The following IL1RAPL1 variants were observed in gnomAD, a reference collection of about 807,000 sequenced individuals.
The protein encoded by IL1RAPL1 is interleukin 1 receptor accessory protein like 1, also known as interleukin-1 receptor accessory protein-like 1.
IL1RAPL1 carries 3 observed loss-of-function variants against 48.4 expected under a neutral mutation model. The observed-to-expected ratio is 0.06, with a 90% CI of 0.03 to 0.16. The LOEUF (loss-of-function observed/expected upper bound fraction) is 0.16. Ranked by LOEUF, IL1RAPL1 falls within the 10% of genes least tolerant of loss-of-function variation. The pLI, the probability that IL1RAPL1 is intolerant of heterozygous loss-of-function variation, is 1.00. For missense variants in IL1RAPL1, 349 were observed against 530.6 expected (o/e 0.66, Z 3.36); for synonymous variants, 185 against 187.7 (o/e 0.99, Z 0.12).
At chrX:29,335,327 AG>A (rs1279570532) in intron 3 of IL1RAPL1, among the ~76,000 whole-genome samples, 4 of 11,905 alleles carry the variant, frequency 3.4e-4, no homozygotes, top group African/African-American at 7.6e-4. Flanking sequence ...GAGAGGGGAG[AG>A]GGGAGAGGGG....
chrX:29,449,780 C>CACACACACACAGAGAGAG (rs557765024), intron 5 of IL1RAPL1, among the ~76,000 whole-genome samples: 3,007 of 57,715 alleles, frequency 0.052, 115 homozygotes, highest in East Asian at 0.089. Context: ...CACACACACA[C>CACACACACACAGAGAGAG]AGAGAGAGAG....
intron 3 of IL1RAPL1, among the ~76,000 whole-genome samples, chrX:29,290,806 T>G (rs989923574): frequency 9.0e-6 from 1 of 111,552 alleles, no homozygotes; most frequent in African/African-American, 3.3e-5. Context: ...TGAGCCAGAC[T>G]TTTTATGTGG....
chrX:29,396,155 A>T lies in IL1RAPL1; in HGVS notation c.363-103A>T, dbSNP rs1427379890. 7 of 621,770 alleles carry T rather than the reference A, an allele frequency of 1.1e-5. No individual in the cohort carries two copies. In the African/African-American group the frequency reaches 1.6e-4, roughly 14 times the overall value. The allele number at this position is 621,770 out of a possible 1,213,427, so 51.2% of individuals were successfully genotyped here. A position where few individuals can be genotyped will look rare whatever the true frequency, so the allele number is the denominator to read the frequency against. On this transcript the variant is annotated intron_variant, in intron 3 of 10. Coordinates refer to ENST00000378993, the MANE Select transcript of IL1RAPL1 (RefSeq NM_014271.4). ...CAAGATACCATAAAATTAGTTAAAC[A>T]GTGAAGTTTTTGCTTTTCTTTTAAG...
At chrX:28,913,731 A>G (rs1291538850) in intron 2 of IL1RAPL1, among the ~76,000 whole-genome samples, 2 of 111,580 alleles carry the variant, frequency 1.8e-5, no homozygotes, top group Admixed American at 1.9e-4. Flanking sequence ...GGAATTAGAT[A>G]CAGCATCTCT....
intron 2 of IL1RAPL1, among the ~76,000 whole-genome samples, chrX:29,158,632 C>T (rs767831362): frequency 9.0e-6 from 1 of 111,208 alleles, no homozygotes; most frequent in African/African-American, 3.3e-5. Context: ...CCGACTCGGC[C>T]TCCCAAAGTG....
At chrX:29,348,989 A>G (rs1292073460) in intron 3 of IL1RAPL1, among the ~76,000 whole-genome samples, 2 of 112,245 alleles carry the variant, frequency 1.8e-5, no homozygotes, top group African/African-American at 6.5e-5. Context: ...CCTCAAAATC[A>G]CTGACATGAG....
intron 9 of IL1RAPL1, among the ~76,000 whole-genome samples, chrX:29,945,031 A>G (rs758056776): frequency 4.5e-5 from 5 of 110,724 alleles, no homozygotes; most frequent in South Asian, 3.9e-4. Flanking sequence ...GGATTTCTCT[A>G]TGAAGTTTAC....
At chrX:28,707,544 C>T (rs1003479452) in intron 1 of IL1RAPL1, among the ~76,000 whole-genome samples, 1 of 111,772 alleles carries the variant, frequency 8.9e-6, no homozygotes, top group Non-Finnish European at 1.9e-5. Flanking sequence ...TTTATAGGGT[C>T]GCCTAAAATA....
chrX:28,867,391 T>C (rs958030050), intron 2 of IL1RAPL1, among the ~76,000 whole-genome samples: 8 of 111,745 alleles, frequency 7.2e-5, no homozygotes, highest in Non-Finnish European at 1.1e-4. Flanking sequence ...GGTGGTAGGA[T>C]ATTGAGCCAG....
At chrX:29,942,863 C>A (rs916346642) in intron 9 of IL1RAPL1, among the ~76,000 whole-genome samples, 1 of 110,723 alleles carries the variant, frequency 9.0e-6, no homozygotes, top group African/African-American at 3.3e-5. Context: ...TCAGGTGATC[C>A]CCCCATCTCG....
In IL1RAPL1 at chrX:29,157,799, A is replaced by G. The variant is rs764507652; in HGVS notation, c.83-125139A>G. ...AAGATTATATGAGATAAAGCACATG[A>G]AGATTTTAGCTCAGTGACTAGTGTA... On this transcript the variant is annotated intron_variant, in intron 2 of 10. Coordinates refer to ENST00000378993, the MANE Select transcript of IL1RAPL1 (RefSeq NM_014271.4). Among the ~76,000 whole-genome samples the G allele has an allele frequency of 2.7e-5, 3 of 111,749 alleles. No homozygotes were observed. In the Admixed American group the frequency reaches 2.9e-4, roughly 11 times the overall value.
intron 2 of IL1RAPL1, among the ~76,000 whole-genome samples, chrX:28,904,623 G>T (rs1923170428): frequency 8.9e-6 from 1 of 111,933 alleles, no homozygotes; most frequent in African/African-American, 3.2e-5. Context: ...TTCATAAAAT[G>T]GGGGCATTTG....
intron 2 of IL1RAPL1, among the ~76,000 whole-genome samples, chrX:28,893,784 ATG>A (rs1922834443): frequency 1.8e-5 from 2 of 112,128 alleles, no homozygotes; most frequent in African/African-American, 6.5e-5. Flanking sequence ...AGAAGAGGTT[ATG>A]AAATGATGAC....
chrX:28,955,198 G>C lies in IL1RAPL1; in HGVS notation c.82+165773G>C, dbSNP rs182992484. On this transcript the variant is annotated intron_variant, in intron 2 of 10. Transcript: ENST00000378993. ...AGCCAAAACATTTTATCAAACACGT[G>C]ACAGGAATGGATTACATTGATATAA... Among the ~76,000 whole-genome samples the C allele has an allele frequency of 3.8e-4, 42 of 111,410 alleles. 1 individual carries two copies. In the East Asian group the frequency reaches 9.6e-3, roughly 25 times the overall value.
chrX:29,122,382 ATCTC>A (rs1284611152), intron 2 of IL1RAPL1, among the ~76,000 whole-genome samples: 7 of 99,510 alleles, frequency 7.0e-5, no homozygotes, highest in East Asian at 3.3e-4. Flanking sequence ...GGATATATAC[ATCTC>A]TCTCTCTCTT....
intron 6 of IL1RAPL1, among the ~76,000 whole-genome samples, chrX:29,849,197 T>C (rs1931311710): frequency 8.9e-6 from 1 of 112,253 alleles, no homozygotes; most frequent in South Asian, 3.7e-4. Flanking sequence ...TTTCTATTTT[T>C]GGTATATTAT....
intron 3 of IL1RAPL1, among the ~76,000 whole-genome samples, chrX:29,319,364 A>ATTTTTTTTT (rs762918998): frequency 1.9e-4 from 11 of 58,149 alleles, no homozygotes; most frequent in African/African-American, 3.7e-4. Flanking sequence ...GATAAATTTA[A>ATTTTTTTTT]TTTTTTTTTT....
chrX:28,855,612 A>G (rs1275823843), intron 2 of IL1RAPL1, among the ~76,000 whole-genome samples: 1 of 111,233 alleles, frequency 9.0e-6, no homozygotes, highest in Non-Finnish European at 1.9e-5. Flanking sequence ...TTCTGAATAA[A>G]GACAAAAAAC....
chrX:28,939,886 T>C (rs979308997), intron 2 of IL1RAPL1, among the ~76,000 whole-genome samples: 2 of 110,959 alleles, frequency 1.8e-5, no homozygotes, highest in Non-Finnish European at 3.8e-5. Context: ...AGACCTCAAA[T>C]TCCAGTGTGT....
Sources: allele counts gnomAD v4.1 joint callset (sites outside exome capture counted in the v4.1 genomes callset), GRCh38; gene constraint gnomAD v4.1.1; transcripts MANE v1.5; gene names NCBI Gene and HGNC (gene_info 2026-07-23, HGNC 2026-07-21).